The following DNAI7 variants were observed in gnomAD, a reference collection of about 807,000 sequenced individuals.
The protein encoded by DNAI7 is cancer susceptibility 1.
In DNAI7, 78 loss-of-function variants were observed where a neutral mutation model predicts 86.6. That is an observed-to-expected ratio of 0.90 (90% confidence interval 0.75 to 1.09). DNAI7 has a LOEUF of 1.09. DNAI7 is among the 50% of genes least tolerant of loss of function. DNAI7 has a pLI of 0.00. For synonymous variants in DNAI7, 274 were observed against 273.0 expected (o/e 1.00, Z -0.04); for missense variants, 753 against 810.2 (o/e 0.93, Z 0.86).
intron 2 of DNAI7, among the ~76,000 whole-genome samples, chr12:25,183,475 C>T (rs1178065136): frequency 6.6e-6 from 1 of 151,998 alleles, no homozygotes; most frequent in African/African-American, 2.4e-5. Context: ...TCTAGAAGTG[C>T]TTTTTGTCTT....
intron 12 of DNAI7, among the ~76,000 whole-genome samples, chr12:25,117,912 C>T (rs1303923986): frequency 1.3e-5 from 2 of 149,042 alleles, no homozygotes; most frequent in South Asian, 2.2e-4. Context: ...TTTTGATTTG[C>T]TAAACTATTT....
chr12:25,128,096 T>C (rs1478303082), intron 9 of DNAI7, among the ~76,000 whole-genome samples: 2 of 152,340 alleles, frequency 1.3e-5, no homozygotes, highest in East Asian at 3.9e-4. Context: ...TGCCAACAAT[T>C]ATTAATGAAG....
intron 12 of DNAI7, among the ~76,000 whole-genome samples, chr12:25,116,349 C>A (rs1412989422): frequency 6.6e-6 from 1 of 151,936 alleles, no homozygotes; most frequent in Non-Finnish European, 1.5e-5. Flanking sequence ...TAAATAAATT[C>A]TCCAAATTTC....
At chr12:25,171,590 A>G (rs1413646308) in intron 2 of DNAI7, among the ~76,000 whole-genome samples, 1 of 152,196 alleles carries the variant, frequency 6.6e-6, no homozygotes, top group South Asian at 2.1e-4. Context: ...CACAAGATAG[A>G]GAAAGAAGGA....
chr12:25,114,187 C>T (rs1939609735), intron 13 of DNAI7, among the ~76,000 whole-genome samples: 1 of 152,170 alleles, frequency 6.6e-6, no homozygotes, highest in East Asian at 1.9e-4. Context: ...TGATTGCCCG[C>T]CTTGGCCTCC....
At chr12:25,182,863 G>A (rs777161375) in intron 2 of DNAI7, among the ~76,000 whole-genome samples, 6 of 152,012 alleles carry the variant, frequency 3.9e-5, no homozygotes, top group Middle Eastern at 3.4e-3. Flanking sequence ...AGTCAAGCCC[G>A]CTGTAAGCCA....
intron 2 of DNAI7, among the ~76,000 whole-genome samples, chr12:25,167,096 C>A (rs1947567039): frequency 6.6e-6 from 1 of 152,132 alleles, no homozygotes. Context: ...CTTTCCTGTT[C>A]CTCACCCTGA....
At chr12:25,126,683 T>G (rs1942180785) in intron 9 of DNAI7, among the ~76,000 whole-genome samples, 1 of 152,072 alleles carries the variant, frequency 6.6e-6, no homozygotes, top group South Asian at 2.1e-4. Context: ...AGTAATGAAT[T>G]TGATTGTGGA....
chr12:25,158,711 T>C, intron 3 of DNAI7, 148 bp from the exon 4 acceptor site: 1 of 1,482,264 alleles, frequency 6.7e-7, no homozygotes, highest in Non-Finnish European at 8.9e-7. Flanking sequence ...GAGAAAAGTG[T>C]CAGTTCTCCT....
intron 9 of DNAI7, among the ~76,000 whole-genome samples, chr12:25,134,782 G>T (rs1943347980): frequency 6.6e-6 from 1 of 152,128 alleles, no homozygotes; most frequent in Admixed American, 6.5e-5. Context: ...AAACTCATTG[G>T]TAAGGGCCAT....
At chr12:25,157,444 G>T (rs1946320854) in intron 4 of DNAI7, among the ~76,000 whole-genome samples, 1 of 151,902 alleles carries the variant, frequency 6.6e-6, no homozygotes, top group South Asian at 2.1e-4. Flanking sequence ...ATGGAATACT[G>T]AAATAGATAT....
chr12:25,119,303 T>TTTTTAAAATG lies in DNAI7; in HGVS notation c.1240-12_1240-3dup. On this transcript the variant is annotated splice_region_variant and splice_polypyrimidine_tract_variant and intron_variant, in intron 11 of 15. Coordinates refer to ENST00000395987, the MANE Select transcript of DNAI7 (RefSeq NM_018272.5). ...TTTCTGTAATCCTTCTTTGAGTATC[T>TTTTTAAAATG]TTTTAAAATGACCAAAACAACATCA... 3 of 1,596,456 alleles carry TTTTTAAAATG rather than the reference T, an allele frequency of 1.9e-6. No individual in the cohort carries two copies. The highest frequency in any genetic ancestry group is 2.6e-6 in the Non-Finnish European group (3 of 1,170,684).
At chr12:25,165,437 G>A (rs902197573) in intron 2 of DNAI7, among the ~76,000 whole-genome samples, 1 of 152,190 alleles carries the variant, frequency 6.6e-6, no homozygotes, top group Admixed American at 6.5e-5. Context: ...CCAGAAATCT[G>A]GCCACTGGGC....
At chr12:25,180,122 G>C (rs570073468) in intron 2 of DNAI7, among the ~76,000 whole-genome samples, 1 of 152,098 alleles carries the variant, frequency 6.6e-6, no homozygotes, top group African/African-American at 2.4e-5. Context: ...AAAACAAGTA[G>C]CATTTCTACA....
chr12:25,145,201 C>T (rs1438309258), intron 8 of DNAI7, among the ~76,000 whole-genome samples: 1 of 152,052 alleles, frequency 6.6e-6, no homozygotes, highest in Non-Finnish European at 1.5e-5. Flanking sequence ...CTATGACTCC[C>T]AAAAAGTGAA....
Position 25,195,158 on chromosome 12 carries a change from G to T in DNAI7, c.-80C>A. On this transcript the variant is annotated 5_prime_UTR_variant, in exon 1 of 16. Transcript: ENST00000395987. ...ACAAACGCTCCCGGGTTGCCCGGAC[G>T]ACAGGCCCCGCCCACTTGAGCTCCA... 3 of 1,445,304 alleles carry T rather than the reference G, an allele frequency of 2.1e-6. No homozygotes were observed. The highest frequency in any genetic ancestry group is 2.3e-5 in the East Asian group (1 of 44,110). 89.5% of individuals were successfully genotyped at this position (1,445,304 alleles called of 1,614,324 possible).
At chr12:25,155,931 A>T (rs1266973738) in intron 4 of DNAI7, among the ~76,000 whole-genome samples, 1 of 152,074 alleles carries the variant, frequency 6.6e-6, no homozygotes, top group Non-Finnish European at 1.5e-5. Context: ...ATGGTGAAAC[A>T]CCATCTCGAC....
chr12:25,165,993 G>A (rs1425505097), intron 2 of DNAI7, among the ~76,000 whole-genome samples: 2 of 151,918 alleles, frequency 1.3e-5, no homozygotes, highest in Admixed American at 6.6e-5. Context: ...CCCCAGTTCA[G>A]AGCCTCCTTC....
At chr12:25,119,673 TG>T (rs1168953244) in intron 11 of DNAI7, among the ~76,000 whole-genome samples, 1 of 152,204 alleles carries the variant, frequency 6.6e-6, no homozygotes, top group Non-Finnish European at 1.5e-5. Context: ...AACCGGTGTA[TG>T]GGACCCTAAA....
Sources: gnomAD v4.1 joint callset for allele counts (sites outside exome capture counted in the v4.1 genomes callset) on GRCh38, gnomAD v4.1.1 for gene constraint, MANE v1.5 for transcripts, NCBI Gene and HGNC (gene_info 2026-07-23, HGNC 2026-07-21) for gene names.